The following SLC35F3 variants were observed in gnomAD, a reference collection of about 807,000 sequenced individuals.
The protein encoded by SLC35F3 is putative thiamine transporter SLC35F3.
A neutral mutation model predicts 49.9 loss-of-function variants in SLC35F3; 25 were observed. That is an observed-to-expected ratio of 0.50 (90% confidence interval 0.37 to 0.70). SLC35F3 has a LOEUF of 0.70. SLC35F3 is among the 30% of genes least tolerant of loss of function. The pLI, the probability that SLC35F3 is intolerant of heterozygous loss-of-function variation, is 0.00. For missense variants in SLC35F3, 525 were observed against 639.8 expected (o/e 0.82, Z 1.94); for synonymous variants, 275 against 265.4 (o/e 1.04, Z -0.35).
intron 3 of SLC35F3, among the ~76,000 whole-genome samples, chr1:234,288,836 GC>G (rs1558099378): frequency 6.6e-6 from 1 of 152,178 alleles, no homozygotes; most frequent in East Asian, 1.9e-4. Flanking sequence ...AAATTATCAT[GC>G]CTTATTCACT....
chr1:234,059,639 CATAGACAT>C (rs1664510451), intron 2 of SLC35F3, among the ~76,000 whole-genome samples: 1 of 150,304 alleles, frequency 6.7e-6, no homozygotes, highest in African/African-American at 2.4e-5. Context: ...TAGACATAGA[CATAGACAT>C]AGACATAGAC....
At chr1:234,053,356 C>T (rs9435499) in intron 2 of SLC35F3, among the ~76,000 whole-genome samples, 2,870 of 152,250 alleles carry the variant, frequency 0.019, 96 homozygotes, top group African/African-American at 0.066. Context: ...GGATAGTTAG[C>T]TCTTTTTGTT....
intron 3 of SLC35F3, among the ~76,000 whole-genome samples, chr1:234,249,941 T>G (rs1667709693): frequency 6.6e-6 from 1 of 152,212 alleles, no homozygotes; most frequent in South Asian, 2.1e-4. Context: ...CAGAACTCCT[T>G]ACTCTTTAAA....
chr1:234,105,313 C>T (rs1665269651), intron 2 of SLC35F3, among the ~76,000 whole-genome samples: 2 of 152,138 alleles, frequency 1.3e-5, no homozygotes, highest in Admixed American at 6.5e-5. Flanking sequence ...GAACAATTGA[C>T]TGGGGAAGCT....
At chr1:234,317,784 G>A (rs1211798468) in intron 5 of SLC35F3, among the ~76,000 whole-genome samples, 2 of 152,186 alleles carry the variant, frequency 1.3e-5, no homozygotes, top group Non-Finnish European at 2.9e-5. Flanking sequence ...CCAAATGCAG[G>A]AAATATTAGA....
In SLC35F3 at chr1:233,957,152, T is replaced by C. The variant is rs1662718166; in HGVS notation, c.283+51394T>C. On this transcript the variant is annotated intron_variant, in intron 2 of 7. Coordinates refer to ENST00000366618, the MANE Select transcript of SLC35F3 (RefSeq NM_173508.4). This position sits in a 1 kb window ranked among gnomAD's most constrained non-coding sequence, Gnocchi z 4.0. ...ACATGGGTAGGAGAAGAATAAAAGC[T>C]CTCACCCCTATTCCAAGACCTGGAT... 6.6e-6 allele frequency among the ~76,000 whole-genome samples: 1 copy of C among 152,180 alleles called. No homozygotes were observed. The highest frequency in any genetic ancestry group is 2.4e-5 in the African/African-American group (1 of 41,438).
At chr1:234,134,131 T>G (rs1199624835) in intron 2 of SLC35F3, among the ~76,000 whole-genome samples, 5 of 152,154 alleles carry the variant, frequency 3.3e-5, no homozygotes, top group Admixed American at 6.5e-5. Context: ...TTCTTTCATT[T>G]AACAAATATT....
At chr1:233,976,441 C>T (rs572796927) in intron 2 of SLC35F3, among the ~76,000 whole-genome samples, 1 of 152,142 alleles carries the variant, frequency 6.6e-6, no homozygotes, top group Non-Finnish European at 1.5e-5. Context: ...CAATAGTCAG[C>T]GTTCTGCTGT....
At chr1:234,081,302 A>G (rs1664872213) in intron 2 of SLC35F3, among the ~76,000 whole-genome samples, 1 of 152,232 alleles carries the variant, frequency 6.6e-6, no homozygotes, top group African/African-American at 2.4e-5. Flanking sequence ...TTAGATCCTC[A>G]CGCAACTCAT....
At position 234,027,253 on chromosome 1, in the gene SLC35F3, GGCAGTGGCAGCTGGGT is replaced by G. The variant is rs1663993111; in HGVS notation, c.283+121498_283+121513del. 6.4e-6 allele frequency: 1 copy of G among 155,230 alleles called. No individual in the cohort carries two copies. Among genetic ancestry groups the G allele is most frequent in the Non-Finnish European group, 1.5e-5 (1 of 68,582 alleles). 9.6% of individuals were successfully genotyped at this position (155,230 alleles called of 1,614,324 possible). The stretch of plus-strand genomic sequence containing the variant: ...CTGGGCTGCTCACTGGGCCACAGAG[GGCAGTGGCAGCTGGGT>G]GCTGAGATGGGAAGCTGTGGACTTG... On this transcript the variant is annotated intron_variant, in intron 2 of 7. Coordinates refer to ENST00000366618, the MANE Select transcript of SLC35F3 (RefSeq NM_173508.4). The surrounding 1 kb of genome is among the most constrained non-coding windows in gnomAD (Gnocchi z 4.1).
intron 2 of SLC35F3, among the ~76,000 whole-genome samples, chr1:234,062,901 G>A (rs1305713122): frequency 1.3e-5 from 2 of 150,890 alleles, no homozygotes; most frequent in Non-Finnish European, 2.9e-5. Flanking sequence ...GTGTTCACCG[G>A]GATGGTCTCG....
intron 2 of SLC35F3, among the ~76,000 whole-genome samples, chr1:233,967,245 G>A (rs1662919333): frequency 1.3e-5 from 2 of 151,240 alleles, no homozygotes; most frequent in Non-Finnish European, 1.5e-5. Flanking sequence ...AAAAATGCAA[G>A]CCCCCCCCAC....
chr1:234,168,725 G>A (rs1436280911), intron 2 of SLC35F3, among the ~76,000 whole-genome samples: 1 of 152,186 alleles, frequency 6.6e-6, no homozygotes, highest in Non-Finnish European at 1.5e-5. Flanking sequence ...GCAGTGGCAG[G>A]GAGGCCTCTG....
chr1:234,266,575 C>T (rs1233855898), intron 3 of SLC35F3, among the ~76,000 whole-genome samples: 1 of 152,172 alleles, frequency 6.6e-6, no homozygotes, highest in Non-Finnish European at 1.5e-5. Flanking sequence ...AGAAATGTAT[C>T]CTTAGGGATT....
chr1:234,165,038 T>TTG (rs58676109), intron 2 of SLC35F3, among the ~76,000 whole-genome samples: 15,743 of 137,674 alleles, frequency 0.11, 1,083 homozygotes, highest in East Asian at 0.36. Flanking sequence ...TAGCTTCAAT[T>TTG]TGTGTGTGTG....
intron 2 of SLC35F3, among the ~76,000 whole-genome samples, chr1:233,953,083 G>A (rs1182967595): frequency 6.6e-6 from 1 of 152,182 alleles, no homozygotes; most frequent in African/African-American, 2.4e-5. Flanking sequence ...TATTGTGGTT[G>A]TATTGGGAAG....
At chr1:234,285,534 G>T (rs552916102) in intron 3 of SLC35F3, 2 of 337,618 alleles carry the variant, frequency 5.9e-6, no homozygotes, top group South Asian at 4.9e-5. Context: ...AGTTCAGCAG[G>T]CTGATGAATA....
intron 2 of SLC35F3, among the ~76,000 whole-genome samples, chr1:234,030,709 GTATATCATCTAA>G (rs1409536200): frequency 1.3e-5 from 2 of 152,108 alleles, no homozygotes; most frequent in African/African-American, 4.8e-5. Context: ...AAGTGTTTTT[GTATATCATCTAA>G]TATATCAACA....
chr1:234,230,333 A>G (rs1288595469), intron 2 of SLC35F3, among the ~76,000 whole-genome samples: 1 of 152,218 alleles, frequency 6.6e-6, no homozygotes, highest in Non-Finnish European at 1.5e-5. Context: ...TTGTTATTAA[A>G]GTTATTTAAG....
Sources: allele counts gnomAD v4.1 joint callset (sites outside exome capture counted in the v4.1 genomes callset), GRCh38; gene constraint gnomAD v4.1.1; non-coding constraint Gnocchi (gnomAD v3.1); transcripts MANE v1.5; gene names NCBI Gene and HGNC (gene_info 2026-07-23, HGNC 2026-07-21).